Variants in MUC12 observed in about 807,000 individuals in gnomAD.
The protein encoded by MUC12 is mucin-12.
Under a neutral mutation model 230.8 loss-of-function variants are expected in MUC12, and 172 were observed. The observed-to-expected ratio is 0.75, with a 90% CI of 0.66 to 0.85. The LOEUF (loss-of-function observed/expected upper bound fraction) is 0.85, where lower values mean the gene tolerates loss of function less well. Among genes scored for constraint, MUC12 ranks in the 40% least tolerant of loss-of-function variants. The pLI, the probability that MUC12 is intolerant of heterozygous loss-of-function variation, is 0.00. For missense variants in MUC12, 3,506 were observed against 5,920.6 expected (o/e 0.59, Z 13.38); for synonymous variants, 1,259 against 2,401.9 (o/e 0.52, Z 13.91).
chr7:100,995,549 C>T lies in MUC12; in HGVS notation c.4986C>T (p.Pro1662=), dbSNP rs978038764. The T allele has an allele frequency of 8.5e-5, 130 of 1,536,256 alleles. No individual in the cohort carries two copies. Among genetic ancestry groups the T allele is most frequent in the East Asian group, 3.7e-4 (15 of 40,886 alleles). The change falls in exon 2 of 12, where the codon CCC becomes CCT. Residue 1662 remains proline, a synonymous_variant. Coordinates refer to ENST00000536621, the MANE Select transcript of MUC12 (RefSeq NM_001164462.2). ...TASGLLEAST[P]VHSSTGSPHT... ...CAGGCCTCCTTGAAGCATCTACGCC[C>T]GTCCACAGCAGCACTGGATCGCCAC... is the stretch of plus-strand genomic sequence containing the variant.
chr7:100,971,105 G>A (rs10085863), intron 1 of MUC12, among the ~76,000 whole-genome samples: 49,955 of 150,662 alleles, frequency 0.33, 9,262 homozygotes, highest in East Asian at 0.5. Flanking sequence ...GCAGTGAGCC[G>A]AGATTGCACT....
rs780843182 is a variant in MUC12 at position 100,991,765 on chromosome 7, C to T, written c.1202C>T (p.Pro401Leu). The T allele has an allele frequency of 6.5e-7, 1 of 1,537,998 alleles. No individual in the cohort carries two copies. ...GSTTHTKSST[P>L]STTAALAHTS... ...ACAACACACACAAAATCTTCAACTCCTAGCACCACAGCTGCCCTAGCACAT... is the reference window on the plus strand; with the variant it reads ...ACAACACACACAAAATCTTCAACTCTTAGCACCACAGCTGCCCTAGCACAT... The change falls in exon 2 of 12, where the codon CCT (proline) becomes CTT (leucine). Residue 401 changes from proline to leucine, a missense_variant. Pro to Leu is a moderately conservative substitution (Grantham distance 98). Coordinates refer to ENST00000536621, the MANE Select transcript of MUC12 (RefSeq NM_001164462.2).
At position 100,995,683 on chromosome 7, in the gene MUC12, C is replaced by T; in HGVS notation, c.5120C>T (p.Ser1707Leu). The T allele has an allele frequency of 1.3e-6, 2 of 1,537,280 alleles. No individual in the cohort carries two copies. Among genetic ancestry groups the T allele is most frequent in the African/African-American group, 1.4e-5 (1 of 72,562 alleles). ...DTMPAPPTTTSAFVELSTTSH... is the reference protein window; with the variant it reads ...DTMPAPPTTTLAFVELSTTSH... ...ATGCCTGCACCTCCTACTACCACAT[C>T]AGCCTTTGTTGAGCTATCTACAACC... The change falls in exon 2 of 12, where the codon TCA becomes TTA. Residue 1707 changes from serine to leucine, a missense_variant. Transcript: ENST00000536621.
At chr7:100,983,467 G>A (rs1584827525) in intron 1 of MUC12, among the ~76,000 whole-genome samples, 1 of 151,656 alleles carries the variant, frequency 6.6e-6, no homozygotes, top group East Asian at 1.9e-4. Context: ...GACTTGTTGT[G>A]ATGTTGTGAT....
chr7:100,992,587 C>T lies in MUC12; in HGVS notation c.2024C>T (p.Ala675Val), dbSNP rs1054487494. The change falls in exon 2 of 12, where the codon GCC becomes GTC. Residue 675 changes from alanine to valine, a missense_variant. Physicochemically the swap from Ala to Val is moderately conservative, Grantham distance 64. Coordinates refer to ENST00000536621, the MANE Select transcript of MUC12 (RefSeq NM_001164462.2). ...PSSIPTTHIS[A>V]RSTTSGLVEE... The stretch of plus-strand genomic sequence containing the variant: ...TCAATTCCAACAACCCACATTTCTG[C>T]CCGCTCCACAACCTCAGGCCTCGTT... 1.3e-6 allele frequency: 2 copies of T among 1,537,888 alleles called. No individual in the cohort carries two copies. Among genetic ancestry groups the T allele is most frequent in the Admixed American group, 2.0e-5 (1 of 51,006 alleles).
chr7:101,004,975 T>A lies in MUC12; in HGVS notation c.14412T>A (p.Thr4804=), dbSNP rs2116344169. The A allele has an allele frequency of 1.3e-6, 2 of 1,537,724 alleles. No individual in the cohort carries two copies. The highest frequency in any genetic ancestry group is 1.7e-4 in the Middle Eastern group (1 of 5,994). Residue 4804 remains threonine, a synonymous_variant, in exon 2 of 12, where the codon ACT becomes ACA. Transcript: ENST00000536621. The part of the protein sequence containing the change: ...STTFHSKPGS[T]ETTLSPGSIT... ...CTTTCCACAGTAAGCCAGGCTCAAC[T>A]GAGACAACACTGTCCCCTGGCAGCA...
chr7:100,986,427 AAAG>A (rs1793191454), intron 1 of MUC12, among the ~76,000 whole-genome samples: 1 of 151,636 alleles, frequency 6.6e-6, no homozygotes, highest in African/African-American at 2.4e-5. Context: ...CAAAAAAAAA[AAAG>A]AAAAAAAAAG....
intron 1 of MUC12, 122 bp from the exon 2 acceptor site, chr7:100,990,509 A>C (rs1416393351): frequency 8.2e-7 from 1 of 1,215,274 alleles, no homozygotes; most frequent in Non-Finnish European, 1.1e-6. Flanking sequence ...GGGAAACTTG[A>C]GTTTCAATAC....
Position 100,992,121 on chromosome 7 carries a change from G to C in MUC12, c.1558G>C (p.Glu520Gln), listed in dbSNP as rs1793330011. 2 of 1,537,362 alleles carry C rather than the reference G, an allele frequency of 1.3e-6. No homozygotes were observed. The highest frequency in any genetic ancestry group is 2.7e-5 in the African/African-American group (2 of 73,128). Reference sequence around the variant, plus strand: ...CATGACAAGCTCAGGCGTCAGTGAAGAATCCACCACCTCCCACAGCCGACC... The same window carrying C: ...CATGACAAGCTCAGGCGTCAGTGAACAATCCACCACCTCCCACAGCCGACC... ...ASMTSSGVSE[E>Q]STTSHSRPGS... is the part of the protein sequence containing the mutation. Residue 520 changes from glutamate to glutamine, a missense_variant, in exon 2 of 12, where the codon GAA becomes CAA. By Grantham distance (29) the Glu-to-Gln change is conservative (BLOSUM62 2). Transcript: ENST00000536621.
chr7:100,995,424 G>A lies in MUC12; in HGVS notation c.4861G>A (p.Gly1621Ser), dbSNP rs77884908. Residue 1621 changes from glycine (G) to serine (S), a missense_variant, in exon 2 of 12, where the codon GGC becomes AGC. Coordinates refer to ENST00000536621, the MANE Select transcript of MUC12 (RefSeq NM_001164462.2). ...PGSTDTTLSP[G>S]STTASSLGPE... Reference sequence around the variant, plus strand: ...CTCCACAGACACAACATTGTCCCCTGGCAGTACCACAGCATCATCCCTTGG... The same window carrying A: ...CTCCACAGACACAACATTGTCCCCTAGCAGTACCACAGCATCATCCCTTGG... 1.4e-6 allele frequency: 2 copies of A among 1,473,942 alleles called. No homozygotes were observed. Among genetic ancestry groups the A allele is most frequent in the South Asian group, 2.5e-5 (2 of 81,162 alleles). The allele number at this position is 1,473,942 out of a possible 1,614,324, so 91.3% of individuals were successfully genotyped here.
Position 101,009,096 on chromosome 7 carries a change from T to C in MUC12, c.15188T>C (p.Met5063Thr), listed in dbSNP as rs1304166901. The C allele has an allele frequency of 2.6e-6, 4 of 1,537,708 alleles. No homozygotes were observed. The highest frequency in any genetic ancestry group is 2.7e-5 in the African/African-American group (2 of 73,026). Reference protein sequence around the residue: ...QNFSTLFKNRMDVVLKGDNLP... With the variant: ...QNFSTLFKNRTDVVLKGDNLP... The stretch of plus-strand genomic sequence containing the variant: ...CCTTCGCTGCCTTGTTTCTTTCAGA[T>C]GGATGTCGTTTTGAAGGGCGACAAT... Residue 5063 changes from methionine (M) to threonine (T), a missense_variant and splice_region_variant, in exon 5 of 12, where the codon ATG becomes ACG. Transcript: ENST00000536621.
At chr7:100,971,844 G>C (rs1395005900) in intron 1 of MUC12, among the ~76,000 whole-genome samples, 4 of 152,310 alleles carry the variant, frequency 2.6e-5, no homozygotes, top group Admixed American at 2.0e-4. Flanking sequence ...CGATGATGAA[G>C]GCCCCAGGAG....
chr7:101,018,699 C>A lies in MUC12; in HGVS notation c.*63C>A. On this transcript the variant is annotated 3_prime_UTR_variant, in exon 12 of 12. Transcript: ENST00000536621. ...AGGAGAGCTGCAAACACAGAGCCCA[C>A]CACAAGCCTCCGGGGCGGGTCAAGA... is the stretch of plus-strand genomic sequence containing the variant. 6.8e-7 allele frequency: 1 copy of A among 1,478,670 alleles called. No individual in the cohort carries two copies. The highest frequency in any genetic ancestry group is 9.0e-7 in the Non-Finnish European group (1 of 1,106,320). The allele number at this position is 1,478,670 out of a possible 1,614,324, so 91.6% of individuals were successfully genotyped here. A position where few individuals can be genotyped will look rare whatever the true frequency, so the allele number is the denominator to read the frequency against.
rs1296551231 is a variant in MUC12 at position 101,018,459 on chromosome 7, G to T, written c.15967-136G>T. 45 of 334,720 alleles carry T rather than the reference G, an allele frequency of 1.3e-4. 1 individual carries two copies. The highest frequency in any genetic ancestry group is 1.0e-3 in the South Asian group (37 of 36,458). The allele number at this position is 334,720 out of a possible 1,614,324, so 20.7% of individuals were successfully genotyped here. ...CCCCGCCACTCCCTCCTCTCCCTAG[G>T]ACTCCCTCCCTCCCCCTGGGACTCC... is the stretch of plus-strand genomic sequence containing the variant. On this transcript the variant is annotated intron_variant, in intron 11 of 11. Coordinates refer to ENST00000536621, the MANE Select transcript of MUC12 (RefSeq NM_001164462.2).
rs1363133051 is a variant in MUC12 at position 100,995,363 on chromosome 7, C to T, written c.4800C>T (p.Val1600=). 2 of 1,535,142 alleles carry T rather than the reference C, an allele frequency of 1.3e-6. No homozygotes were observed. The highest frequency in any genetic ancestry group is 2.4e-5 in the East Asian group (1 of 40,890). Residue 1600 remains valine, a synonymous_variant, in exon 2 of 12, where the codon GTC becomes GTT. Coordinates refer to ENST00000536621, the MANE Select transcript of MUC12 (RefSeq NM_001164462.2). ...CTGGCAGTACCACCATGCCAGGCGT[C>T]AGTCAGGAATCTACAGCTTCCCACA... is the stretch of plus-strand genomic sequence containing the variant. The part of the protein sequence containing the change: ...AFPGSTTMPG[V]SQESTASHSS...
chr7:101,008,726 G>C lies in MUC12; in HGVS notation c.15151G>C (p.Glu5051Gln). 6.5e-7 allele frequency: 1 copy of C among 1,537,210 alleles called. No homozygotes were observed. Among genetic ancestry groups the C allele is most frequent in the Non-Finnish European group, 8.7e-7 (1 of 1,146,914 alleles). The change falls in exon 4 of 12, where the codon GAA (glutamate) becomes CAA (glutamine). Residue 5051 changes from glutamate (E) to glutamine (Q), a missense_variant. Glu to Gln is a conservative substitution (Grantham distance 29). Coordinates refer to ENST00000536621, the MANE Select transcript of MUC12 (RefSeq NM_001164462.2). ...TEKMNDASSQ[E>Q]YQNFSTLFKN... ...AAAGATGAATGACGCATCCTCCCAG[G>C]AATACCAGAACTTCAGTACCCTCTT...
rs146123098 is a variant in MUC12, at chr7:100,990,491, C to T, written c.68-140C>T. On this transcript the variant is annotated intron_variant, in intron 1 of 11. Transcript: ENST00000536621. ...CAGGTTCAACTGACACTTCCTATGC[C>T]CCCAAAAGGGAAACTTGAGTTTCAA... 5.3e-3 allele frequency: 5,334 copies of T among 1,014,670 alleles called. 24 individuals are homozygous for T. The highest frequency in any genetic ancestry group is 6.5e-3 in the Non-Finnish European group (4,547 of 703,938). 62.9% of individuals were successfully genotyped at this position (1,014,670 alleles called of 1,614,324 possible).
At chr7:101,017,693 C>G in intron 11 of MUC12, 30 bp downstream of exon 11, 3 of 1,483,448 alleles carry the variant, frequency 2.0e-6, no homozygotes, top group Non-Finnish European at 2.7e-6. Flanking sequence ...CCCCCACCCC[C>G]TGAGGCTGCT....
chr7:100,970,356 G>A (rs1015633241), intron 1 of MUC12, among the ~76,000 whole-genome samples: 3 of 151,708 alleles, frequency 2.0e-5, no homozygotes, highest in Non-Finnish European at 2.9e-5. Context: ...GCATGGTGGC[G>A]CACACCTCTA....
Sources: gnomAD v4.1 joint callset for allele counts (sites outside exome capture counted in the v4.1 genomes callset) on GRCh38, gnomAD v4.1.1 for gene constraint, MANE v1.5 for transcripts, NCBI Gene and HGNC (gene_info 2026-07-23, HGNC 2026-07-21) for gene names.